The following KIDINS220 variants were observed in gnomAD, a reference collection of about 807,000 sequenced individuals.
KIDINS220 encodes kinase D interacting substrate 220.
Under a neutral mutation model 157.6 loss-of-function variants are expected in KIDINS220, and 63 were observed. The observed-to-expected ratio is 0.40, with a 90% confidence interval of 0.33 to 0.49. The LOEUF (loss-of-function observed/expected upper bound fraction) is 0.49. KIDINS220 is among the 20% of genes least tolerant of loss of function. KIDINS220 has a pLI of 0.66. For missense variants in KIDINS220, 1,772 were observed against 2,171.2 expected (o/e 0.82, Z 3.65); for synonymous variants, 732 against 783.6 (o/e 0.93, Z 1.10).
chr2:8,746,918 T>G, intron 26 of KIDINS220: 1 of 473,444 alleles, frequency 2.1e-6, no homozygotes, highest in Non-Finnish European at 3.7e-6. Flanking sequence ...CCCCATCCCA[T>G]GTATTGAAAA....
chr2:8,835,263 T>G (rs1024236026), intron 1 of KIDINS220, among the ~76,000 whole-genome samples: 26 of 152,314 alleles, frequency 1.7e-4, no homozygotes, highest in African/African-American at 6.3e-4. Context: ...AATAACTGCA[T>G]AGGTATGCTA....
intron 1 of KIDINS220, among the ~76,000 whole-genome samples, chr2:8,831,500 A>C (rs1558510037): frequency 6.6e-6 from 1 of 152,184 alleles, no homozygotes; most frequent in Non-Finnish European, 1.5e-5. Context: ...ATCCTTAAGA[A>C]CATGGCTCTA....
chr2:8,727,306 A>G (rs994223929), downstream of KIDINS220: 152 of 1,018,136 alleles, frequency 1.5e-4, no homozygotes, highest in Middle Eastern at 4.9e-4. Context: ...CTCGATGCTC[A>G]GTCTGGAGTG....
chr2:8,836,725 A>G (rs1680454792), intron 1 of KIDINS220, among the ~76,000 whole-genome samples: 1 of 152,184 alleles, frequency 6.6e-6, no homozygotes, highest in African/African-American at 2.4e-5. Flanking sequence ...GTGGACAGGA[A>G]CGAACCTGAA....
chr2:8,721,894 C>G (rs2147914121), downstream of KIDINS220: 1 of 152,310 alleles, frequency 6.6e-6, no homozygotes, highest in Admixed American at 6.5e-5. Context: ...AGAACATTGT[C>G]AGATACACAG....
intron 17 of KIDINS220, among the ~76,000 whole-genome samples, chr2:8,783,886 T>C (rs1447629777): frequency 1.3e-5 from 2 of 152,058 alleles, no homozygotes; most frequent in African/African-American, 2.4e-5. Flanking sequence ...TTTAACGCAA[T>C]CTCAATGAAA....
chr2:8,790,126 A>G, intron 13 of KIDINS220, 67 bp from the exon 14 acceptor site: 1 of 1,421,478 alleles, frequency 7.0e-7, no homozygotes, highest in South Asian at 1.3e-5. Flanking sequence ...TTAACTCAAT[A>G]TGCAGTTTTC....
chr2:8,790,096 T>C, intron 13 of KIDINS220, 37 bp from the exon 14 acceptor site: 1 of 1,552,614 alleles, frequency 6.4e-7, no homozygotes, highest in Non-Finnish European at 8.7e-7. Context: ...TATTCCTGTT[T>C]TGTTTAAGAA....
intron 28 of KIDINS220, 145 bp from the exon 29 acceptor site, chr2:8,733,825 G>T: frequency 1.7e-6 from 1 of 584,786 alleles, no homozygotes; most frequent in Non-Finnish European, 2.9e-6. Context: ...TAGTGAATTT[G>T]TTTTATACAT....
intron 22 of KIDINS220, among the ~76,000 whole-genome samples, chr2:8,755,039 T>C (rs949172085): frequency 7.2e-5 from 11 of 152,202 alleles, no homozygotes; most frequent in Non-Finnish European, 1.5e-4. Flanking sequence ...ACAGAACACT[T>C]TGGAGATTCT....
intron 4 of KIDINS220, among the ~76,000 whole-genome samples, chr2:8,815,528 G>C (rs1676946419): frequency 6.6e-6 from 1 of 152,174 alleles, no homozygotes; most frequent in Admixed American, 6.6e-5. Context: ...AGTTAGCCAG[G>C]TGCGGTGGCA....
chr2:8,820,384 A>G (rs1052661516), intron 2 of KIDINS220, among the ~76,000 whole-genome samples: 6 of 152,222 alleles, frequency 3.9e-5, no homozygotes, highest in African/African-American at 1.2e-4. Context: ...CCACACAGGT[A>G]CCCAAATATT....
chr2:8,773,484 T>G (rs953886379), intron 21 of KIDINS220, among the ~76,000 whole-genome samples: 2 of 151,816 alleles, frequency 1.3e-5, no homozygotes, highest in Non-Finnish European at 2.9e-5. Context: ...TTCTTTTTTT[T>G]TTTTTTAAGA....
At chr2:8,737,031 A>C (rs367695837) in intron 26 of KIDINS220, 32 bp from the exon 27 acceptor site, 10 of 1,610,474 alleles carry the variant, frequency 6.2e-6, no homozygotes, top group Non-Finnish European at 8.5e-6. Context: ...ACAGGTATGA[A>C]TAAGCATTTA....
chr2:8,737,191 T>C, intron 26 of KIDINS220, 192 bp from the exon 27 acceptor site: 1 of 522,524 alleles, frequency 1.9e-6, no homozygotes, highest in Non-Finnish European at 3.3e-6. Context: ...GAGTAGCTTT[T>C]ATTACAGCTG....
intron 17 of KIDINS220, among the ~76,000 whole-genome samples, chr2:8,785,231 A>T (rs1372675143): frequency 1.3e-5 from 2 of 152,200 alleles, no homozygotes; most frequent in Non-Finnish European, 2.9e-5. Flanking sequence ...AAGAAATGGT[A>T]GCCAGGGGTT....
At chr2:8,831,758 G>C (rs934778873) in intron 1 of KIDINS220, among the ~76,000 whole-genome samples, 1 of 152,178 alleles carries the variant, frequency 6.6e-6, no homozygotes, top group Non-Finnish European at 1.5e-5. Context: ...TGACTGTCGG[G>C]AACTGACCCG....
intron 14 of KIDINS220, 71 bp from the exon 15 acceptor site, chr2:8,788,883 A>G: frequency 5.1e-6 from 7 of 1,367,542 alleles, no homozygotes; most frequent in Non-Finnish European, 7.1e-6. Flanking sequence ...CCAAAGATCA[A>G]GTATCAAGTA....
chr2:8,824,876 C>A (rs780633471), intron 2 of KIDINS220, among the ~76,000 whole-genome samples: 3 of 152,082 alleles, frequency 2.0e-5, no homozygotes, highest in Non-Finnish European at 2.9e-5. Context: ...CGTGCTATAA[C>A]GTGGATGAAC....
Sources: gnomAD v4.1 joint callset for allele counts (sites outside exome capture counted in the v4.1 genomes callset) on GRCh38, gnomAD v4.1.1 for gene constraint, MANE v1.5 for transcripts, NCBI Gene and HGNC (gene_info 2026-07-23, HGNC 2026-07-21) for gene names.